The following SPIDR variants were observed in gnomAD, a reference collection of about 807,000 sequenced individuals.
The protein encoded by SPIDR is scaffold protein involved in DNA repair, also known as DNA repair-scaffolding protein.
SPIDR carries 93 observed loss-of-function variants against 104.6 expected under a neutral mutation model. The observed-to-expected ratio is 0.89, with a 90% CI of 0.75 to 1.06. The LOEUF is 1.06. SPIDR is among the 50% of genes least tolerant of loss of function. The pLI is 0.00. For synonymous variants in SPIDR, 431 were observed against 416.9 expected (o/e 1.03, Z -0.41); for missense variants, 1,154 against 1,111.2 (o/e 1.04, Z -0.55).
At chr8:47,581,858 C>A (rs771221674) in intron 8 of SPIDR, among the ~76,000 whole-genome samples, 2 of 152,148 alleles carry the variant, frequency 1.3e-5, no homozygotes, top group Non-Finnish European at 2.9e-5. Flanking sequence ...TTGCCACTCT[C>A]CACAGACGAA....
chr8:47,584,422 A>C (rs556391781), intron 8 of SPIDR, among the ~76,000 whole-genome samples: 2 of 152,314 alleles, frequency 1.3e-5, no homozygotes, highest in South Asian at 4.1e-4. Context: ...ACTTGCTTGT[A>C]TCTGTTTTAA....
intron 8 of SPIDR, among the ~76,000 whole-genome samples, chr8:47,449,985 C>A (rs1373882285): frequency 1.3e-5 from 2 of 151,990 alleles, no homozygotes; most frequent in Admixed American, 6.6e-5. Context: ...GCAGCCTGGG[C>A]AAACCCCATC....
chr8:47,629,079 C>T (rs2066650450), intron 10 of SPIDR, among the ~76,000 whole-genome samples: 1 of 152,204 alleles, frequency 6.6e-6, no homozygotes, highest in African/African-American at 2.4e-5. Context: ...ATGCAGGCAT[C>T]TCTCACAGTT....
chr8:47,701,413 G>A (rs1258846108), intron 12 of SPIDR, among the ~76,000 whole-genome samples: 5 of 152,140 alleles, frequency 3.3e-5, no homozygotes, highest in Non-Finnish European at 5.9e-5. Context: ...GCCAACGAGA[G>A]TGCAACTCTG....
intron 5 of SPIDR, among the ~76,000 whole-genome samples, chr8:47,392,786 A>G (rs1316969184): frequency 2.6e-5 from 4 of 152,228 alleles, no homozygotes; most frequent in African/African-American, 4.8e-5. Context: ...AGAAAATTAA[A>G]TATGCCTATC....
At chr8:47,571,361 C>T (rs919926219) in intron 8 of SPIDR, among the ~76,000 whole-genome samples, 5 of 152,102 alleles carry the variant, frequency 3.3e-5, no homozygotes, top group African/African-American at 9.7e-5. Context: ...ACACTCTATA[C>T]GTACTTCAGA....
chr8:47,414,191 A>G (rs535566657), intron 7 of SPIDR, among the ~76,000 whole-genome samples: 4 of 152,278 alleles, frequency 2.6e-5, no homozygotes, highest in African/African-American at 7.2e-5. Flanking sequence ...AATTATTGAT[A>G]TTAATACACA....
At chr8:47,727,681 G>A (rs2084480913) in intron 17 of SPIDR, among the ~76,000 whole-genome samples, 1 of 152,264 alleles carries the variant, frequency 6.6e-6, no homozygotes, top group South Asian at 2.1e-4. Flanking sequence ...CTGGACAGAT[G>A]TCCCTGCCCA....
chr8:47,395,597 C>T (rs782001470), intron 5 of SPIDR, among the ~76,000 whole-genome samples: 11 of 152,140 alleles, frequency 7.2e-5, no homozygotes, highest in African/African-American at 1.2e-4. Context: ...TTAAATTTGG[C>T]ATGTGTCTTG....
At chr8:47,544,012 T>G (rs2088771865) in intron 8 of SPIDR, among the ~76,000 whole-genome samples, 1 of 152,134 alleles carries the variant, frequency 6.6e-6, no homozygotes, top group Non-Finnish European at 1.5e-5. Flanking sequence ...AGGAGCATAC[T>G]GAGGCGTAAC....
At chr8:47,664,321 G>C (rs2074573397) in intron 10 of SPIDR, among the ~76,000 whole-genome samples, 1 of 152,174 alleles carries the variant, frequency 6.6e-6, no homozygotes, top group Non-Finnish European at 1.5e-5. Flanking sequence ...TGGGAAGCAG[G>C]CAATAGAAAC....
Position 47,293,186 on chromosome 8 carries a change from A to G in SPIDR, c.362-681A>G, listed in dbSNP as rs975638008. On this transcript the variant is annotated intron_variant, in intron 4 of 19. Transcript: ENST00000297423. ...TGCTCTGTCACCCAGGCTGGAGTGC[A>G]GTGGATCATAGCTCACCGCAGTTTC... is the stretch of plus-strand genomic sequence containing the variant. Among the ~76,000 whole-genome samples the G allele has an allele frequency of 2.8e-3, 419 of 152,188 alleles. 1 individual carries two copies. Among genetic ancestry groups the G allele is most frequent in the African/African-American group, 9.9e-3 (410 of 41,518 alleles).
At chr8:47,449,826 G>C (rs1269299998) in intron 8 of SPIDR, among the ~76,000 whole-genome samples, 3 of 152,184 alleles carry the variant, frequency 2.0e-5, no homozygotes, top group African/African-American at 7.2e-5. Flanking sequence ...ATCTTAGTCT[G>C]TTTTGTGATG....
At chr8:47,336,011 AG>A (rs1244041985) in intron 5 of SPIDR, among the ~76,000 whole-genome samples, 1 of 150,052 alleles carries the variant, frequency 6.7e-6, no homozygotes. Context: ...TAATTTGGGG[AG>A]ATTCTCAGTC....
intron 8 of SPIDR, among the ~76,000 whole-genome samples, chr8:47,583,613 C>T (rs1027312302): frequency 3.9e-5 from 6 of 152,172 alleles, no homozygotes; most frequent in African/African-American, 1.4e-4. Flanking sequence ...TTCATGCTAT[C>T]TAGATAGATA....
intron 7 of SPIDR, among the ~76,000 whole-genome samples, chr8:47,412,724 C>A (rs1177948599): frequency 6.6e-6 from 1 of 152,200 alleles, no homozygotes. Flanking sequence ...AGTGATTCTT[C>A]ATGTTCTCCT....
chr8:47,451,763 G>T (rs1247974077), intron 8 of SPIDR, among the ~76,000 whole-genome samples: 1 of 152,248 alleles, frequency 6.6e-6, no homozygotes, highest in African/African-American at 2.4e-5. Context: ...AGAACCCTGT[G>T]TATTATAGGA....
At chr8:47,680,948 C>T (rs34787113) in intron 11 of SPIDR, among the ~76,000 whole-genome samples, 277 of 152,334 alleles carry the variant, frequency 1.8e-3, no homozygotes, top group Non-Finnish European at 3.3e-3. Context: ...CCTCTAATCC[C>T]AGCTACTCAG....
At chr8:47,686,119 G>A (rs1299291350) in intron 11 of SPIDR, among the ~76,000 whole-genome samples, 3 of 152,122 alleles carry the variant, frequency 2.0e-5, no homozygotes. Flanking sequence ...GGCCACCATG[G>A]CTCCCCACCC....
Sources: allele counts gnomAD v4.1 joint callset (sites outside exome capture counted in the v4.1 genomes callset), GRCh38; gene constraint gnomAD v4.1.1; transcripts MANE v1.5; gene names NCBI Gene and HGNC (gene_info 2026-07-23, HGNC 2026-07-21).